POR: variants seen among roughly 807,000 people sequenced by gnomAD.
POR encodes cytochrome p450 oxidoreductase, also known as NADPH--cytochrome P450 reductase.
Under a neutral mutation model 84.0 loss-of-function variants are expected in POR, and 56 were observed. The ratio of observed to expected loss-of-function variants is 0.67; its 90% CI spans 0.54 to 0.83. The LOEUF (loss-of-function observed/expected upper bound fraction) is 0.83. Among genes scored for constraint, POR ranks in the 40% least tolerant of loss-of-function variants. The pLI is 0.00. For synonymous variants in POR, 414 were observed against 400.5 expected (o/e 1.03, Z -0.40); for missense variants, 938 against 944.3 (o/e 0.99, Z 0.09).
chr7:75,967,268 C>T (rs547199005), intron 2 of POR, among the ~76,000 whole-genome samples: 8 of 152,182 alleles, frequency 5.3e-5, no homozygotes, highest in Middle Eastern at 3.4e-3. Context: ...CACTGCACTC[C>T]GCCGAGCCTT....
At chr7:75,940,402 T>C (rs915556655) in intron 1 of POR, among the ~76,000 whole-genome samples, 3 of 152,006 alleles carry the variant, frequency 2.0e-5, no homozygotes, top group African/African-American at 4.8e-5. Context: ...TTATCTTAGA[T>C]ATCACGCTAA....
intron 3 of POR, among the ~76,000 whole-genome samples, chr7:75,975,814 ATTTTTT>A (rs539245771): frequency 2.4e-5 from 2 of 82,186 alleles, no homozygotes; most frequent in African/African-American, 4.3e-5. Flanking sequence ...AGCTGTTCAG[ATTTTTT>A]TTTTTTTTTT....
rs370823127 is a variant in POR, at chr7:75,985,701, C to G, written c.1521C>G (p.Gly507=). 8.2e-6 allele frequency: 13 copies of G among 1,588,030 alleles called. No homozygotes were observed. The highest frequency in any genetic ancestry group is 3.6e-5 in the Admixed American group (2 of 56,184). Residue 507 remains glycine, a synonymous_variant, in exon 13 of 16, where the codon GGC becomes GGG. Coordinates refer to ENST00000461988, the MANE Select transcript of POR (RefSeq NM_000941.3). Reference sequence around the variant, plus strand: ...CCAAGGAGCCTGCCGGGGAGAACGGCGGCCGTGCGCTGGTGCCCATGTTCG... The same window carrying G: ...CCAAGGAGCCTGCCGGGGAGAACGGGGGCCGTGCGCTGGTGCCCATGTTCG...
At chr7:75,983,688 T>TG in intron 9 of POR, 50 bp from the exon 10 acceptor site, 1 of 1,606,110 alleles carries the variant, frequency 6.2e-7, no homozygotes, top group South Asian at 1.1e-5. Flanking sequence ...CCTCCTGACC[T>TG]GGGGCAGGGC....
intron 1 of POR, among the ~76,000 whole-genome samples, chr7:75,936,260 C>T (rs1554550811): frequency 6.6e-6 from 1 of 150,960 alleles, no homozygotes; most frequent in African/African-American, 2.4e-5. Context: ...CATGCTGCGA[C>T]ACCTGGATAA....
At chr7:75,971,964 G>A (rs1028544454) in intron 2 of POR, among the ~76,000 whole-genome samples, 4 of 152,026 alleles carry the variant, frequency 2.6e-5, no homozygotes, top group African/African-American at 9.7e-5. Context: ...AGCGGAGCAG[G>A]GAAGTGGCAG....
At chr7:75,966,654 T>C (rs1788195551) in intron 2 of POR, among the ~76,000 whole-genome samples, 1 of 152,202 alleles carries the variant, frequency 6.6e-6, no homozygotes, top group Non-Finnish European at 1.5e-5. Flanking sequence ...TCGAGTCCGC[T>C]GCAGAAAATC....
At chr7:75,948,079 AC>A (rs1322001345) in intron 1 of POR, among the ~76,000 whole-genome samples, 3 of 152,042 alleles carry the variant, frequency 2.0e-5, no homozygotes, top group African/African-American at 2.4e-5. Flanking sequence ...AGGAGCTCAC[AC>A]CGAGTGAGAG....
At chr7:75,958,597 A>C (rs1324426925) in intron 2 of POR, among the ~76,000 whole-genome samples, 2 of 152,152 alleles carry the variant, frequency 1.3e-5, no homozygotes, top group Non-Finnish European at 2.9e-5. Context: ...TGAAGTCTGC[A>C]AGCTCCACAA....
At chr7:75,972,343 C>T in intron 2 of POR, 70 bp from the exon 3 acceptor site, 1 of 1,400,090 alleles carries the variant, frequency 7.1e-7, no homozygotes, top group East Asian at 2.4e-5. Context: ...TCTAAGGACA[C>T]CCACGTCCCG....
intron 1 of POR, chr7:75,923,119 G>A: frequency 1.2e-6 from 1 of 864,876 alleles, no homozygotes; most frequent in South Asian, 1.3e-5. Context: ...GTAACCTTAT[G>A]TGACCTGGGG....
rs1789490264 is a variant in POR at position 75,986,585 on chromosome 7, C to T, written c.*104C>T. 9.2e-6 allele frequency: 13 copies of T among 1,419,372 alleles called. No individual in the cohort carries two copies. The highest frequency in any genetic ancestry group is 2.5e-5 in the East Asian group (1 of 40,258). The allele number at this position is 1,419,372 out of a possible 1,614,324, so 87.9% of individuals were successfully genotyped here. ...GTGTTTGGCTTGGCCTTGGCATGGG[C>T]GCAGGCCCAGTGACAAAGACTCCTC... On this transcript the variant is annotated 3_prime_UTR_variant, in exon 16 of 16. Transcript: ENST00000461988.
In POR at chr7:75,983,537, A is replaced by T; in HGVS notation, c.848A>T (p.Asn283Ile). The T allele has an allele frequency of 6.2e-7, 1 of 1,612,922 alleles. No homozygotes were observed. Among genetic ancestry groups the T allele is most frequent in the East Asian group, 2.2e-5 (1 of 44,868 alleles). ...CCACCCAGCCCCTTTGATGCCAAGA[A>T]TCCGTTCCTGGCTGCAGTCACCACC... The change falls in exon 9 of 16, where the codon AAT becomes ATT. Residue 283 changes from asparagine (N) to isoleucine (I), a missense_variant. By Grantham distance (149) the Asn-to-Ile change is moderately radical (BLOSUM62 -3). Transcript: ENST00000461988.
At position 75,980,443 on chromosome 7, in the gene POR, C is replaced by G; in HGVS notation, c.471C>G (p.Asp157Glu). The stretch of plus-strand genomic sequence containing the variant: ...CCGACAATGCCCAGGACTTCTACGA[C>G]TGGCTGCAGGAGACAGACGTGGATC... Residue 157 changes from aspartate to glutamate, a missense_variant, in exon 5 of 16, where the codon GAC (aspartate) becomes GAG (glutamate). Asp to Glu is a conservative substitution (Grantham distance 45). Coordinates refer to ENST00000461988, the MANE Select transcript of POR (RefSeq NM_000941.3). 1 of 1,613,328 alleles carries G rather than the reference C, an allele frequency of 6.2e-7. No individual in the cohort carries two copies. The highest frequency in any genetic ancestry group is 1.6e-4 in the Middle Eastern group (1 of 6,062).
Position 75,954,182 on chromosome 7 carries a change from T to C in POR, c.188+2T>C, listed in dbSNP as rs936203749. 1.8e-5 allele frequency: 29 copies of C among 1,605,010 alleles called. No individual in the cohort carries two copies. The highest frequency in any genetic ancestry group is 2.4e-5 in the Non-Finnish European group (28 of 1,174,966). On this transcript the variant is annotated splice_donor_variant, in intron 2 of 15. Coordinates refer to ENST00000461988, the MANE Select transcript of POR (RefSeq NM_000941.3). LOFTEE classifies it high-confidence loss of function. ...CGAGTTCACCAAAATTCAGACATTGTAAGTGCCGCCTCTCAGCCTCCTCTC... is the reference window on the plus strand; with the variant it reads ...CGAGTTCACCAAAATTCAGACATTGCAAGTGCCGCCTCTCAGCCTCCTCTC...
intron 1 of POR, among the ~76,000 whole-genome samples, chr7:75,934,133 G>GTGTT (rs1382375107): frequency 1.5e-5 from 2 of 129,750 alleles, no homozygotes; most frequent in Admixed American, 7.3e-5. Context: ...GTGTGTGTGT[G>GTGTT]TGTGTGTGTG....
intron 1 of POR, among the ~76,000 whole-genome samples, chr7:75,943,326 A>T (rs1787032283): frequency 6.6e-6 from 1 of 152,114 alleles, no homozygotes; most frequent in African/African-American, 2.4e-5. Context: ...TTCAGAAAAG[A>T]TTTAATATTC....
chr7:75,937,337 T>A (rs1241889547), intron 1 of POR, among the ~76,000 whole-genome samples: 17 of 150,542 alleles, frequency 1.1e-4, no homozygotes, highest in Admixed American at 1.1e-3. Flanking sequence ...CCAGGCATGT[T>A]GGCGGGTGCC....
chr7:75,944,900 G>C (rs1466396397), intron 1 of POR, among the ~76,000 whole-genome samples: 3 of 152,148 alleles, frequency 2.0e-5, no homozygotes, highest in Non-Finnish European at 4.4e-5. Context: ...CAGAGCCTCA[G>C]GATTTTGTGG....
Sources: allele counts gnomAD v4.1 joint callset (sites outside exome capture counted in the v4.1 genomes callset), GRCh38; gene constraint gnomAD v4.1.1; transcripts MANE v1.5; gene names NCBI Gene and HGNC (gene_info 2026-07-23, HGNC 2026-07-21).